TNR: variants seen among roughly 807,000 people sequenced by gnomAD.
TNR encodes tenascin-R.
Under a neutral mutation model 150.4 loss-of-function variants are expected in TNR, and 45 were observed. That is an observed-to-expected ratio of 0.30 (90% CI 0.24 to 0.38). The LOEUF (loss-of-function observed/expected upper bound fraction) is 0.38. TNR is among the 10% of genes least tolerant of loss of function. The pLI is 1.00. For missense variants in TNR, 1,544 were observed against 1,759.1 expected, an observed-to-expected ratio of 0.88 and a Z score of 2.19; for synonymous variants, 687 against 678.4, an observed-to-expected ratio of 1.01 and a Z score of -0.20.
At chr1:175,708,306 C>T (rs142574136) in intron 1 of TNR, among the ~76,000 whole-genome samples, 114 of 152,252 alleles carry the variant, frequency 7.5e-4, no homozygotes, top group African/African-American at 2.4e-3. Flanking sequence ...GAGAAGCCTT[C>T]CCTGAACCCT....
Position 175,315,545 on chromosome 1 carries a change from G to A in TNR, c.*7812C>T, listed in dbSNP as rs1391000605. 6.6e-6 allele frequency: 1 copy of A among 152,030 alleles called. No individual in the cohort carries two copies. The highest frequency in any genetic ancestry group is 1.5e-5 in the Non-Finnish European group (1 of 68,010). 9.4% of individuals were successfully genotyped at this position (152,030 alleles called of 1,614,324 possible). A position where few individuals can be genotyped will look rare whatever the true frequency, so the allele number is the denominator to read the frequency against. On this transcript the variant is annotated 3_prime_UTR_variant, in exon 23 of 23. Coordinates refer to ENST00000367674, the MANE Select transcript of TNR (RefSeq NM_003285.3). The stretch of plus-strand genomic sequence containing the variant: ...GGTCTTTGTTATTTTTACCTGAAAA[G>A]GCTGTTAAAGGTTAAAATGACAAAC...
intron 2 of TNR, among the ~76,000 whole-genome samples, chr1:175,471,293 G>A (rs184219443): frequency 2.0e-5 from 3 of 152,278 alleles, no homozygotes; most frequent in Non-Finnish European, 4.4e-5. Flanking sequence ...ACGTCAGTCT[G>A]TACTTGTTAC....
intron 1 of TNR, among the ~76,000 whole-genome samples, chr1:175,583,427 G>GGCA (rs1662442313): frequency 6.6e-6 from 1 of 152,214 alleles, no homozygotes; most frequent in Admixed American, 6.5e-5. Flanking sequence ...CCCAGCAGCA[G>GGCA]GCAGCAGCAG....
At chr1:175,519,219 A>G (rs755096212) in intron 2 of TNR, among the ~76,000 whole-genome samples, 10 of 152,192 alleles carry the variant, frequency 6.6e-5, no homozygotes, top group Non-Finnish European at 1.2e-4. Flanking sequence ...CTAACTACCA[A>G]TGTCTTCCTT....
intron 2 of TNR, among the ~76,000 whole-genome samples, chr1:175,446,964 G>A (rs372466891): frequency 3.9e-5 from 6 of 152,086 alleles, no homozygotes; most frequent in East Asian, 1.9e-4. Flanking sequence ...AAATGTGTAC[G>A]TGTGTATGTG....
chr1:175,362,718 G>A lies in TNR; in HGVS notation c.2799C>T (p.Leu933=). The A allele has an allele frequency of 6.2e-7, 1 of 1,614,130 alleles. No homozygotes were observed. The highest frequency in any genetic ancestry group is 2.2e-5 in the East Asian group (1 of 44,874). ...TTTCCTCCCTGCCCCGCACGCTGTTGAGGCTGATTTCGTATTCGGTAGCTG... is the reference window on the plus strand; with the variant it reads ...TTTCCTCCCTGCCCCGCACGCTGTTAAGGCTGATTTCGTATTCGGTAGCTG... The part of the protein sequence containing the change: ...LNPATEYEIS[L]NSVRGREESE... Residue 933 remains leucine, a synonymous_variant, in exon 14 of 23, where the codon CTC becomes CTT. Transcript: ENST00000367674.
intron 14 of TNR, among the ~76,000 whole-genome samples, chr1:175,361,308 CA>C (rs1553208721): frequency 6.6e-6 from 1 of 152,092 alleles, no homozygotes; most frequent in Non-Finnish European, 1.5e-5. Flanking sequence ...TTATTGTCCT[CA>C]ATGGGAAAAA....
At chr1:175,462,050 A>T (rs1656845524) in intron 2 of TNR, among the ~76,000 whole-genome samples, 2 of 152,190 alleles carry the variant, frequency 1.3e-5, no homozygotes, top group African/African-American at 4.8e-5. Flanking sequence ...CTCAAATGAG[A>T]TCCTATTTGA....
intron 9 of TNR, among the ~76,000 whole-genome samples, chr1:175,376,577 G>A (rs767008864): frequency 3.3e-5 from 5 of 152,126 alleles, no homozygotes; most frequent in South Asian, 2.1e-4. Context: ...AACTTTTTAC[G>A]CTCCAAGTTG....
intron 2 of TNR, among the ~76,000 whole-genome samples, chr1:175,424,568 G>T (rs989136229): frequency 6.6e-6 from 1 of 152,214 alleles, no homozygotes; most frequent in Admixed American, 6.5e-5. Context: ...AGAAAGTCCT[G>T]TGGGAGGGAA....
intron 1 of TNR, among the ~76,000 whole-genome samples, chr1:175,557,404 A>G (rs538177480): frequency 1.3e-5 from 2 of 152,202 alleles, no homozygotes; most frequent in Non-Finnish European, 2.9e-5. Context: ...CAATATGGCT[A>G]TTCAGTTTCA....
At chr1:175,607,624 C>T (rs1031258128) in intron 1 of TNR, among the ~76,000 whole-genome samples, 1 of 152,190 alleles carries the variant, frequency 6.6e-6, no homozygotes, top group Non-Finnish European at 1.5e-5. Flanking sequence ...CTGCACCAAA[C>T]ACAATACGTT....
Position 175,391,331 on chromosome 1 carries a change from T to C in TNR, c.1464A>G (p.Lys488=), listed in dbSNP as rs548226863. ...AGGTAGGGGGGCTGCGGGCCTGTTC[T>C]TTCAGAGCCACCACATTGACAATGT... ...EEYIVNVVAL[K]EQARSPPTSA... The change falls in exon 7 of 23, where the codon AAA becomes AAG. Residue 488 remains lysine, a synonymous_variant. Coordinates refer to ENST00000367674, the MANE Select transcript of TNR (RefSeq NM_003285.3). 2 of 1,614,174 alleles carry C rather than the reference T, an allele frequency of 1.2e-6. No individual in the cohort carries two copies. The highest frequency in any genetic ancestry group is 2.7e-5 in the African/African-American group (2 of 75,044).
chr1:175,537,159 A>G lies in TNR; in HGVS notation c.-164-8790T>C, dbSNP rs770213980. Among the ~76,000 whole-genome samples the G allele has an allele frequency of 6.4e-4, 97 of 152,202 alleles. 1 individual carries two copies. The highest frequency in any genetic ancestry group is 4.9e-4 in the Non-Finnish European group (33 of 68,036). On this transcript the variant is annotated intron_variant, in intron 1 of 22. Coordinates refer to ENST00000367674, the MANE Select transcript of TNR (RefSeq NM_003285.3). ...CACATTGGAAGGGCACCCCTTGGAG[A>G]GCACTTAATGGGTCCTAATTGCATT...
intron 1 of TNR, among the ~76,000 whole-genome samples, chr1:175,550,587 C>T (rs1400229680): frequency 6.6e-6 from 1 of 151,890 alleles, no homozygotes; most frequent in African/African-American, 2.4e-5. Context: ...AATGCTTCTC[C>T]CTACCCTACT....
chr1:175,703,856 G>A (rs979757553), intron 1 of TNR, among the ~76,000 whole-genome samples: 4 of 152,156 alleles, frequency 2.6e-5, no homozygotes, highest in Non-Finnish European at 4.4e-5. Context: ...GAAGTCAGGC[G>A]GAGTCTAAAT....
chr1:175,600,059 T>C (rs2101846001), intron 1 of TNR, among the ~76,000 whole-genome samples: 1 of 152,338 alleles, frequency 6.6e-6, no homozygotes, highest in East Asian at 1.9e-4. Flanking sequence ...CAGTGGTTAA[T>C]TAGCACAGAC....
intron 2 of TNR, among the ~76,000 whole-genome samples, chr1:175,497,472 T>C (rs1483687994): frequency 6.6e-6 from 1 of 152,252 alleles, no homozygotes; most frequent in Non-Finnish European, 1.5e-5. Flanking sequence ...CAATTGTGCA[T>C]TCTCTTGGAT....
At chr1:175,639,729 A>G (rs1664595105) in intron 1 of TNR, among the ~76,000 whole-genome samples, 1 of 152,180 alleles carries the variant, frequency 6.6e-6, no homozygotes, top group African/African-American at 2.4e-5. Flanking sequence ...AAGGACTTCT[A>G]GCTTAGTCCT....
Sources: gnomAD v4.1 joint callset for allele counts (sites outside exome capture counted in the v4.1 genomes callset) on GRCh38, gnomAD v4.1.1 for gene constraint, MANE v1.5 for transcripts, NCBI Gene and HGNC (gene_info 2026-07-23, HGNC 2026-07-21) for gene names.